The following ARHGAP39 variants were observed in gnomAD, a reference collection of about 807,000 sequenced individuals.
ARHGAP39 encodes the protein Rho GTPase activating protein 39.
Under a neutral mutation model 106.9 loss-of-function variants are expected in ARHGAP39, and 44 were observed. The ratio of observed to expected loss-of-function variants is 0.41; its 90% confidence interval spans 0.32 to 0.53. The LOEUF (loss-of-function observed/expected upper bound fraction) is 0.53. Among genes scored for constraint, ARHGAP39 ranks in the 20% least tolerant of loss-of-function variants. The probability of loss-of-function intolerance (pLI) is 0.21; values close to 1 mark genes in which losing one functional copy is unlikely to be tolerated. For missense variants in ARHGAP39, 1,496 were observed against 1,577.3 expected, an observed-to-expected ratio of 0.95 and a Z score of 0.87; for synonymous variants, 768 against 693.2, an observed-to-expected ratio of 1.11 and a Z score of -1.69.
At chr8:144,559,659 G>A (rs1360641916) in intron 3 of ARHGAP39, among the ~76,000 whole-genome samples, 1 of 152,202 alleles carries the variant, frequency 6.6e-6, no homozygotes, top group Non-Finnish European at 1.5e-5. Context: ...AAGGCAAGTT[G>A]ATGATCCCTT....
intron 6 of ARHGAP39, among the ~76,000 whole-genome samples, chr8:144,542,201 G>C (rs2721163): frequency 0.037 from 5,690 of 152,262 alleles, 344 homozygotes; most frequent in African/African-American, 0.13. Context: ...CCCACTGCCA[G>C]GTGCTCCTCG....
the ARHGAP39 span, among the ~76,000 whole-genome samples, chr8:144,691,067 C>T: frequency 5.9e-5 from 9 of 152,304 alleles, no homozygotes; most frequent in African/African-American, 1.4e-4. Context: ...ACCTGCCACT[C>T]GGCTTCTTTC....
chr8:144,547,914 C>A lies in ARHGAP39; in HGVS notation c.1172G>T (p.Gly391Val). 1 of 1,583,950 alleles carries A rather than the reference C, an allele frequency of 6.3e-7. No individual in the cohort carries two copies. The highest frequency in any genetic ancestry group is 8.6e-7 in the Non-Finnish European group (1 of 1,165,580). ...RFLSLEYSPA[G>V]KEYVRQLVYV... ...GACCAGCTGCCGCACGTACTCCTTG[C>A]CGGCGGGACTGTACTCCAGGCTCAG... The change falls in exon 5 of 12, where the codon GGC (glycine) becomes GTC (valine). Residue 391 changes from glycine (G) to valine (V), a missense_variant. Coordinates refer to ENST00000377307, the MANE Select transcript of ARHGAP39 (RefSeq NM_025251.3). This position sits in a 1 kb window ranked among gnomAD's most constrained non-coding sequence, Gnocchi z 5.2.
chr8:144,533,310 T>C lies in ARHGAP39; in HGVS notation c.2704A>G (p.Asn902Asp). The C allele has an allele frequency of 6.2e-7, 1 of 1,612,928 alleles. No homozygotes were observed. Among genetic ancestry groups the C allele is most frequent in the Non-Finnish European group, 8.5e-7 (1 of 1,179,892 alleles). ...TTGGCATGCCGGATCTCCTCCACGT[T>C]GGGCTTCTTCAGCCCCTGTGAAGAC... ...TGAKKGLKKP[N>D]VEEIRHAKNA... The change falls in exon 9 of 12, where the codon AAC becomes GAC. Residue 902 changes from asparagine to aspartate, a missense_variant. Asn to Asp is a conservative substitution (Grantham distance 23). Coordinates refer to ENST00000377307, the MANE Select transcript of ARHGAP39 (RefSeq NM_025251.3).
intron 3 of ARHGAP39, among the ~76,000 whole-genome samples, chr8:144,559,750 A>G (rs1818076010): frequency 6.6e-6 from 1 of 152,240 alleles, no homozygotes; most frequent in Non-Finnish European, 1.5e-5. Context: ...CATATACATA[A>G]TGAGGTATCT....
At chr8:144,650,244 T>C (rs987043868) in intron 1 of ARHGAP39, among the ~76,000 whole-genome samples, 7 of 151,890 alleles carry the variant, frequency 4.6e-5, no homozygotes, top group African/African-American at 1.7e-4. Context: ...AGCTCCGAGA[T>C]GGAATCAGTA....
intron 1 of ARHGAP39, among the ~76,000 whole-genome samples, chr8:144,612,200 G>A: frequency 2.9e-5 from 3 of 102,640 alleles, no homozygotes; most frequent in African/African-American, 1.2e-4. Context: ...CTGCACTCCA[G>A]CCAGGGCGAC....
At chr8:144,570,809 G>T (rs986809259) in intron 3 of ARHGAP39, among the ~76,000 whole-genome samples, 2 of 152,112 alleles carry the variant, frequency 1.3e-5, no homozygotes, top group Non-Finnish European at 2.9e-5. Context: ...TACCAGCACC[G>T]ATCCCACAGA....
chr8:144,582,461 G>A (rs1045121656), intron 2 of ARHGAP39, among the ~76,000 whole-genome samples: 15 of 152,236 alleles, frequency 9.9e-5, no homozygotes, highest in Admixed American at 4.6e-4. Context: ...CCCAGCAGCA[G>A]CCCTGGGGGT....
chr8:144,558,285 C>CT (rs72395617), intron 3 of ARHGAP39, among the ~76,000 whole-genome samples: 143 of 151,414 alleles, frequency 9.4e-4, no homozygotes, highest in African/African-American at 3.1e-3. Flanking sequence ...TGTTTAATGT[C>CT]TTTTTTTTTG....
chr8:144,673,721 C>G (rs1822160551), intron 1 of ARHGAP39, among the ~76,000 whole-genome samples: 1 of 152,214 alleles, frequency 6.6e-6, no homozygotes, highest in African/African-American at 2.4e-5. Context: ...TGGGATTGTT[C>G]CGCCCACTCA....
At chr8:144,579,962 C>T (rs1818908816) in intron 3 of ARHGAP39, among the ~76,000 whole-genome samples, 1 of 152,132 alleles carries the variant, frequency 6.6e-6, no homozygotes. Context: ...CTCTGGGAAG[C>T]CCCAGCCTCC....
At chr8:144,624,611 C>T (rs1485197571) in intron 1 of ARHGAP39, among the ~76,000 whole-genome samples, 1 of 140,268 alleles carries the variant, frequency 7.1e-6, no homozygotes, top group Non-Finnish European at 1.6e-5. Flanking sequence ...CCTGTCCCGG[C>T]GGCCCGGTTC....
At chr8:144,597,487 C>T (rs574833871) in intron 2 of ARHGAP39, among the ~76,000 whole-genome samples, 1 of 152,326 alleles carries the variant, frequency 6.6e-6, no homozygotes, top group East Asian at 1.9e-4. Context: ...AAGCCACGTG[C>T]CCAGGCTGGA....
At position 144,679,493 on chromosome 8, in the gene ARHGAP39, T is replaced by C. The variant is rs186877378; in HGVS notation, c.-82+6193A>G. Among the ~76,000 whole-genome samples the C allele has an allele frequency of 6.6e-6, 1 of 152,262 alleles. No homozygotes were observed. On this transcript the variant is annotated intron_variant, in intron 1 of 11. Transcript: ENST00000377307. This position sits in a 1 kb window ranked among gnomAD's most constrained non-coding sequence, Gnocchi z 4.7. ...AACGCGGGCAGGAATCAGCCTCTGC[T>C]GCTGTGAGCGCTGCAGTGCTGGGGT...
Position 144,670,528 on chromosome 8 carries a change from G to A in ARHGAP39, c.-82+15158C>T, listed in dbSNP as rs755495916. Among the ~76,000 whole-genome samples, 22 of 152,188 alleles carry A rather than the reference G, an allele frequency of 1.4e-4. No homozygotes were observed. The highest frequency in any genetic ancestry group is 2.8e-4 in the Non-Finnish European group (19 of 68,042). On this transcript the variant is annotated intron_variant, in intron 1 of 11. Transcript: ENST00000377307. This position sits in a 1 kb window ranked among gnomAD's most constrained non-coding sequence, Gnocchi z 4.4. ...CATAAAAGCCTGGGCAAGGCTTCAA[G>A]AAGACTATTTTGGGTGGGCTCTTGG... is the stretch of plus-strand genomic sequence containing the variant.
chr8:144,565,709 T>C (rs1167252669), intron 3 of ARHGAP39, among the ~76,000 whole-genome samples: 1 of 151,430 alleles, frequency 6.6e-6, no homozygotes, highest in East Asian at 1.9e-4. Flanking sequence ...GAAAAGAAAA[T>C]GGAAATTATC....
At chr8:144,691,429 C>T in the ARHGAP39 span, among the ~76,000 whole-genome samples, 1 of 152,284 alleles carries the variant, frequency 6.6e-6, no homozygotes, top group Admixed American at 6.5e-5. Context: ...CCCGTCCAAA[C>T]CCAAAGAATG....
intron 1 of ARHGAP39, among the ~76,000 whole-genome samples, chr8:144,675,494 T>G (rs938577656): frequency 2.0e-5 from 3 of 152,204 alleles, no homozygotes; most frequent in African/African-American, 7.2e-5. Context: ...ACTGCAGACC[T>G]TCGTGGTTAG....
Sources: allele counts gnomAD v4.1 joint callset (sites outside exome capture counted in the v4.1 genomes callset), GRCh38; gene constraint gnomAD v4.1.1; non-coding constraint Gnocchi (gnomAD v3.1); transcripts MANE v1.5; gene names NCBI Gene and HGNC (gene_info 2026-07-23, HGNC 2026-07-21).